The following PLD5 variants were observed in gnomAD, a reference collection of about 807,000 sequenced individuals.
The protein encoded by PLD5 is inactive phospholipase D5.
In PLD5, 36 loss-of-function variants were observed where a neutral mutation model predicts 61.1. The observed-to-expected ratio is 0.59, with a 90% CI of 0.45 to 0.78. PLD5 has a LOEUF of 0.78. Ranked by LOEUF, PLD5 falls within the 30% of genes least tolerant of loss-of-function variation. The pLI is 0.00. For synonymous variants in PLD5, 243 were observed against 242.8 expected (o/e 1.00, Z -0.01); for missense variants, 515 against 644.4 (o/e 0.80, Z 2.17).
chr1:242,110,089 TATA>T (rs1661366723), intron 7 of PLD5, among the ~76,000 whole-genome samples: 1 of 136,680 alleles, frequency 7.3e-6, no homozygotes, highest in African/African-American at 2.7e-5. Flanking sequence ...TTATTATTAT[TATA>T]TTATTATATT....
chr1:242,326,365 G>T (rs1658783518), intron 2 of PLD5, among the ~76,000 whole-genome samples: 1 of 152,074 alleles, frequency 6.6e-6, no homozygotes, highest in African/African-American at 2.4e-5. Flanking sequence ...GCGGCTCAAA[G>T]TTGTTCTTCC....
At chr1:242,168,116 ATGTT>A (rs776639756) in intron 5 of PLD5, among the ~76,000 whole-genome samples, 16 of 152,336 alleles carry the variant, frequency 1.1e-4, no homozygotes, top group Non-Finnish European at 1.6e-4. Context: ...AATCTTATAG[ATGTT>A]TGTTTATCCA....
In PLD5 at chr1:242,380,252, C is replaced by T. The variant is rs1054336000; in HGVS notation, c.190-32010G>A. 1.1e-4 allele frequency among the ~76,000 whole-genome samples: 16 copies of T among 152,156 alleles called. 1 individual carries two copies. The highest frequency in any genetic ancestry group is 8.5e-4 in the Admixed American group (13 of 15,266). ...ATTTCTCACTTACAATGGGAAGCTC[C>T]TGGGAGTAACAATGTGCTCTTTTCT... On this transcript the variant is annotated intron_variant, in intron 1 of 9. Coordinates refer to ENST00000536534, the MANE Select transcript of PLD5 (RefSeq NM_001372062.1).
In PLD5 at chr1:242,194,603, T is replaced by TATCTATCTATCTATCTA. The variant is rs1193250766; in HGVS notation, c.735+25384_735+25385insTAGATAGATAGATAGAT. 6.5e-3 allele frequency among the ~76,000 whole-genome samples: 484 copies of TATCTATCTATCTATCTA among 74,308 alleles called. 4 individuals carry two copies. The highest frequency in any genetic ancestry group is 0.028 in the African/African-American group (457 of 16,066). 48.7% of individuals were successfully genotyped at this position (74,308 alleles called of 152,430 possible). Reference sequence around the variant, plus strand: ...CTATCTATCTATCTATCTATCTATCTATGTATCTATCTATGTATCTATCTA... The same window carrying TATCTATCTATCTATCTA: ...CTATCTATCTATCTATCTATCTATCTATCTATCTATCTATCTAATGTATCTATCTATGTATCTATCTA... On this transcript the variant is annotated intron_variant, in intron 5 of 9. Transcript: ENST00000536534.
At chr1:242,229,993 C>A (rs1219812500) in intron 4 of PLD5, among the ~76,000 whole-genome samples, 1 of 151,794 alleles carries the variant, frequency 6.6e-6, no homozygotes, top group Non-Finnish European at 1.5e-5. Flanking sequence ...GGATGTGCAG[C>A]AATGCCTGGA....
chr1:242,449,595 T>C (rs2102921839), intron 1 of PLD5: 1 of 1,301,758 alleles, frequency 7.7e-7, no homozygotes, highest in South Asian at 1.6e-5. Context: ...TCCCCTAGAA[T>C]GTGCTCTTAA....
At chr1:242,230,003 A>G (rs535783647) in intron 4 of PLD5, among the ~76,000 whole-genome samples, 1 of 151,842 alleles carries the variant, frequency 6.6e-6, no homozygotes, top group East Asian at 1.9e-4. Flanking sequence ...CAATGCCTGG[A>G]GACATTTCTG....
chr1:242,327,857 T>G (rs1346720104), intron 2 of PLD5, among the ~76,000 whole-genome samples: 1 of 152,120 alleles, frequency 6.6e-6, no homozygotes, highest in Non-Finnish European at 1.5e-5. Flanking sequence ...TTTGGGAGGT[T>G]TAAGCAAAGG....
intron 1 of PLD5, among the ~76,000 whole-genome samples, chr1:242,394,177 T>C (rs1471743356): frequency 1.4e-5 from 1 of 73,828 alleles, no homozygotes; most frequent in Non-Finnish European, 2.4e-5. Context: ...TATATGTGTA[T>C]ATATGAGTAT....
intron 1 of PLD5, among the ~76,000 whole-genome samples, chr1:242,470,132 G>A (rs553132912): frequency 1.3e-5 from 2 of 152,090 alleles, no homozygotes; most frequent in Non-Finnish European, 2.9e-5. Flanking sequence ...ACGAGGTCAG[G>A]AGATCGAGAC....
intron 1 of PLD5, among the ~76,000 whole-genome samples, chr1:242,465,382 C>A (rs1410866957): frequency 6.6e-6 from 1 of 152,220 alleles, no homozygotes; most frequent in Non-Finnish European, 1.5e-5. Flanking sequence ...ACTCTTATCA[C>A]CTTATAACCT....
At chr1:242,278,660 T>C (rs1469360007) in intron 3 of PLD5, among the ~76,000 whole-genome samples, 1 of 152,186 alleles carries the variant, frequency 6.6e-6, no homozygotes. Context: ...TACTATGCTG[T>C]ATCGTTATAA....
intron 1 of PLD5, among the ~76,000 whole-genome samples, chr1:242,422,875 G>T (rs1665225452): frequency 7.0e-6 from 1 of 142,440 alleles, no homozygotes; most frequent in African/African-American, 2.6e-5. Flanking sequence ...TTGAGATAAG[G>T]TCTCACTCTG....
chr1:242,131,653 C>A (rs1347592383), intron 5 of PLD5, among the ~76,000 whole-genome samples: 1 of 152,082 alleles, frequency 6.6e-6, no homozygotes, highest in Non-Finnish European at 1.5e-5. Context: ...GTTTCATCTT[C>A]AGGAAGGATT....
intron 2 of PLD5, among the ~76,000 whole-genome samples, chr1:242,305,617 T>G (rs1558448034): frequency 6.6e-6 from 1 of 152,128 alleles, no homozygotes; most frequent in Non-Finnish European, 1.5e-5. Context: ...TGGAGTGCAG[T>G]GCAGTGCTCA....
intron 2 of PLD5, among the ~76,000 whole-genome samples, chr1:242,345,993 T>C (rs1344337023): frequency 2.0e-5 from 3 of 147,554 alleles, no homozygotes; most frequent in Non-Finnish European, 4.4e-5. Flanking sequence ...CTAGAGGTGA[T>C]GTATGTTTCA....
chr1:242,518,221 G>C (rs1242866290), intron 1 of PLD5, among the ~76,000 whole-genome samples: 1 of 152,150 alleles, frequency 6.6e-6, no homozygotes, highest in Non-Finnish European at 1.5e-5. Flanking sequence ...TGTGATTTTA[G>C]AAACTGGGCT....
At position 242,098,610 on chromosome 1, in the gene PLD5, G is replaced by A. The variant is rs565554682; in HGVS notation, c.1354+2058C>T. Among the ~76,000 whole-genome samples the A allele has an allele frequency of 1.1e-4, 17 of 152,304 alleles. No homozygotes were observed. The South Asian group carries it at 1.7e-3, about 15-fold the overall frequency. ...TGTTCCATTGCTGGTGAGGAGCTGCGTTCCTTTGGAGGAGGAGAGGTGCTC... is the reference window on the plus strand; with the variant it reads ...TGTTCCATTGCTGGTGAGGAGCTGCATTCCTTTGGAGGAGGAGAGGTGCTC... On this transcript the variant is annotated intron_variant, in intron 9 of 9. Transcript: ENST00000536534.
At chr1:242,178,606 G>C (rs571223955) in intron 5 of PLD5, among the ~76,000 whole-genome samples, 4 of 152,264 alleles carry the variant, frequency 2.6e-5, no homozygotes, top group Non-Finnish European at 5.9e-5. Context: ...CGAGAGAGAA[G>C]GATGTTTGTA....
Sources: gnomAD v4.1 joint callset for allele counts (sites outside exome capture counted in the v4.1 genomes callset) on GRCh38, gnomAD v4.1.1 for gene constraint, MANE v1.5 for transcripts, NCBI Gene and HGNC (gene_info 2026-07-23, HGNC 2026-07-21) for gene names.